Variants in NKAIN3 observed in about 807,000 individuals in gnomAD.
The protein encoded by NKAIN3 is sodium/potassium-transporting ATPase subunit beta-1-interacting protein 3.
A neutral mutation model predicts 30.2 loss-of-function variants in NKAIN3; 25 were observed. The ratio of observed to expected loss-of-function variants is 0.83; its 90% CI spans 0.60 to 1.16. NKAIN3 has a LOEUF of 1.16. Ranked by LOEUF, NKAIN3 falls within the 50% of genes most tolerant of loss-of-function variation. NKAIN3 has a pLI of 0.00. For missense variants in NKAIN3, 225 were observed against 254.1 expected, an observed-to-expected ratio of 0.89 and a Z score of 0.78; for synonymous variants, 91 against 89.6, an observed-to-expected ratio of 1.02 and a Z score of -0.09.
chr8:62,266,522 G>T (rs916892594), intron 1 of NKAIN3, among the ~76,000 whole-genome samples: 3 of 152,162 alleles, frequency 2.0e-5, no homozygotes, highest in African/African-American at 7.2e-5. Flanking sequence ...CGTAGCATGA[G>T]TTAGTTTTAC....
Position 62,791,543 on chromosome 8 carries a change from C to T in NKAIN3, c.471+44414C>T, listed in dbSNP as rs149241743. 3.8e-3 allele frequency among the ~76,000 whole-genome samples: 585 copies of T among 152,134 alleles called. 4 individuals are homozygous for T. Among genetic ancestry groups the T allele is most frequent in the African/African-American group, 0.013 (556 of 41,524 alleles). On this transcript the variant is annotated intron_variant, in intron 4 of 6. Transcript: ENST00000623646. ...TTGTTGAATTTGTTTTGACTTTGAT[C>T]CTCAAAACTGAAAACATTCTTCAAT...
chr8:62,791,147 T>C (rs1309604055), intron 4 of NKAIN3, among the ~76,000 whole-genome samples: 1 of 152,026 alleles, frequency 6.6e-6, no homozygotes, highest in African/African-American at 2.4e-5. Context: ...CAACCTAGAT[T>C]CAAAGGATGA....
chr8:62,460,038 A>C (rs1225747104), intron 1 of NKAIN3, among the ~76,000 whole-genome samples: 3 of 152,168 alleles, frequency 2.0e-5, no homozygotes, highest in Non-Finnish European at 2.9e-5. Context: ...CTTATAATAG[A>C]ATGGTTAAGA....
chr8:62,523,689 A>G (rs1808221621), intron 1 of NKAIN3, among the ~76,000 whole-genome samples: 2 of 152,128 alleles, frequency 1.3e-5, no homozygotes, highest in African/African-American at 4.8e-5. Flanking sequence ...GGGCCCTCCA[A>G]GGTACCTCAG....
At position 62,562,361 on chromosome 8, in the gene NKAIN3, T is replaced by C. The variant is rs1336796141; in HGVS notation, c.55-17178T>C. 3.3e-5 allele frequency among the ~76,000 whole-genome samples: 5 copies of C among 152,256 alleles called. No individual in the cohort carries two copies. The East Asian group carries it at 9.6e-4, about 29-fold the overall frequency. On this transcript the variant is annotated intron_variant, in intron 1 of 6. Coordinates refer to ENST00000623646, the MANE Select transcript of NKAIN3 (RefSeq NM_001304533.3). The stretch of plus-strand genomic sequence containing the variant: ...ACCCACATAAAGTTGACGAAGACCG[T>C]TTCACCAGGTTAGGTCACAGCTTTT...
At chr8:62,392,673 G>C (rs888982174) in intron 1 of NKAIN3, among the ~76,000 whole-genome samples, 1 of 151,906 alleles carries the variant, frequency 6.6e-6, no homozygotes, top group East Asian at 1.9e-4. Flanking sequence ...ATGAAAAAAA[G>C]AAAACCTGTG....
chr8:62,390,179 G>T (rs1384668050), intron 1 of NKAIN3, among the ~76,000 whole-genome samples: 1 of 151,894 alleles, frequency 6.6e-6, no homozygotes, highest in Non-Finnish European at 1.5e-5. Flanking sequence ...TATTCTTCCT[G>T]ATCCCTTCCT....
intron 3 of NKAIN3, among the ~76,000 whole-genome samples, chr8:62,698,483 C>T (rs922541250): frequency 6.6e-6 from 1 of 152,176 alleles, no homozygotes; most frequent in African/African-American, 2.4e-5. Context: ...GGAGAGCACA[C>T]ACACCCTCTC....
At chr8:62,356,028 G>A (rs940994129) in intron 1 of NKAIN3, among the ~76,000 whole-genome samples, 5 of 152,016 alleles carry the variant, frequency 3.3e-5, no homozygotes, top group African/African-American at 7.3e-5. Context: ...CAGGTATAAG[G>A]GCATAACCCT....
intron 3 of NKAIN3, among the ~76,000 whole-genome samples, chr8:62,737,724 G>T (rs1197190294): frequency 6.6e-6 from 1 of 152,124 alleles, no homozygotes; most frequent in Non-Finnish European, 1.5e-5. Flanking sequence ...TATTTTTTTA[G>T]TCAGAATTGT....
At chr8:62,426,081 A>G (rs1804797400) in intron 1 of NKAIN3, among the ~76,000 whole-genome samples, 1 of 151,940 alleles carries the variant, frequency 6.6e-6, no homozygotes, top group Non-Finnish European at 1.5e-5. Flanking sequence ...ATAATGAGCA[A>G]TTATCAAGTG....
intron 3 of NKAIN3, among the ~76,000 whole-genome samples, chr8:62,713,625 G>A (rs1053722111): frequency 2.6e-5 from 4 of 152,042 alleles, no homozygotes; most frequent in Admixed American, 1.3e-4. Flanking sequence ...TTATAAACTG[G>A]ACATCATTCA....
At chr8:62,512,871 T>C (rs1807858152) in intron 1 of NKAIN3, among the ~76,000 whole-genome samples, 1 of 152,158 alleles carries the variant, frequency 6.6e-6, no homozygotes, top group Admixed American at 6.5e-5. Context: ...TCATTTTCTC[T>C]GAACAGATGG....
intron 3 of NKAIN3, among the ~76,000 whole-genome samples, chr8:62,647,951 G>A (rs1812515009): frequency 6.6e-6 from 1 of 152,124 alleles, no homozygotes; most frequent in African/African-American, 2.4e-5. Context: ...GAAAGAACTT[G>A]ATGCAGGTGG....
chr8:62,667,867 C>A (rs1235401395), intron 3 of NKAIN3, among the ~76,000 whole-genome samples: 1 of 152,172 alleles, frequency 6.6e-6, no homozygotes, highest in East Asian at 1.9e-4. Context: ...TCCACCCACA[C>A]TTACTTTCAA....
Position 62,977,177 on chromosome 8 carries a change from C to G in NKAIN3, c.*11770C>G, listed in dbSNP as rs1370201770. ...TTATGTGTCTTGGGGTTGCTCTTCT[C>G]AAAGAGTATCTTTGTGGTGTTCTCT... On this transcript the variant is annotated 3_prime_UTR_variant, in exon 7 of 7. Coordinates refer to ENST00000623646, the MANE Select transcript of NKAIN3 (RefSeq NM_001304533.3). Among the ~76,000 whole-genome samples, 1 of 152,100 alleles carries G rather than the reference C, an allele frequency of 6.6e-6. No individual in the cohort carries two copies. Among genetic ancestry groups the G allele is most frequent in the Admixed American group, 6.5e-5 (1 of 15,276 alleles).
chr8:62,584,180 C>T (rs1810400735), intron 2 of NKAIN3, among the ~76,000 whole-genome samples: 1 of 152,056 alleles, frequency 6.6e-6, no homozygotes, highest in African/African-American at 2.4e-5. Flanking sequence ...CTCAAAATTG[C>T]TTCTTCTATT....
intron 4 of NKAIN3, among the ~76,000 whole-genome samples, chr8:62,835,998 T>C (rs758786210): frequency 2.0e-5 from 3 of 152,038 alleles, no homozygotes; most frequent in Non-Finnish European, 2.9e-5. Flanking sequence ...TGAAATACTA[T>C]GCAGGCATTA....
chr8:62,911,870 A>G (rs200157058), intron 4 of NKAIN3, among the ~76,000 whole-genome samples: 1 of 152,140 alleles, frequency 6.6e-6, no homozygotes, highest in East Asian at 1.9e-4. Flanking sequence ...TTCTTTTTCT[A>G]TTTATTTTTT....
Sources: gnomAD v4.1 joint callset for allele counts (sites outside exome capture counted in the v4.1 genomes callset) on GRCh38, gnomAD v4.1.1 for gene constraint, MANE v1.5 for transcripts, NCBI Gene and HGNC (gene_info 2026-07-23, HGNC 2026-07-21) for gene names.